TCF7L2: variants seen among roughly 807,000 people sequenced by gnomAD.
TCF7L2 encodes transcription factor 7 like 2, also known as transcription factor 7-like 2.
Under a neutral mutation model 77.9 loss-of-function variants are expected in TCF7L2, and 23 were observed. That is an observed-to-expected ratio of 0.30 (90% CI 0.21 to 0.42). The LOEUF (loss-of-function observed/expected upper bound fraction) is 0.42. Ranked by LOEUF, TCF7L2 falls within the 10% of genes least tolerant of loss-of-function variation. The pLI, the probability that TCF7L2 is intolerant of heterozygous loss-of-function variation, is 1.00. For synonymous variants in TCF7L2, 413 were observed against 340.2 expected (o/e 1.21, Z -2.36); for missense variants, 654 against 793.1 (o/e 0.82, Z 2.11).
intron 4 of TCF7L2, among the ~76,000 whole-genome samples, chr10:112,990,125 C>T (rs1276411041): frequency 1.3e-5 from 2 of 152,134 alleles, no homozygotes; most frequent in Non-Finnish European, 2.9e-5. Flanking sequence ...CTCAGGACTC[C>T]TGCACGTGGC....
In TCF7L2 at chr10:112,951,485, G is replaced by T; in HGVS notation, c.259G>T (p.Ala87Ser). 1 of 1,430,264 alleles carries T rather than the reference G, an allele frequency of 7.0e-7. No individual in the cohort carries two copies. Among genetic ancestry groups the T allele is most frequent in the South Asian group, 1.2e-5 (1 of 84,120 alleles). The allele number at this position is 1,430,264 out of a possible 1,614,324, so 88.6% of individuals were successfully genotyped here. ...CCCTCGCCGCCCCGCCATGTTAGCG[G>T]CCAAGAGGCAAGATGGAGGGCTCTT... The change falls in exon 3 of 14, where the codon GCC (alanine) becomes TCC (serine). Residue 87 changes from alanine to serine, a missense_variant and splice_region_variant. Transcript: ENST00000627217.
intron 5 of TCF7L2, among the ~76,000 whole-genome samples, chr10:113,102,142 A>AAAAAG (rs2061733371): frequency 7.8e-6 from 1 of 128,222 alleles, no homozygotes; most frequent in African/African-American, 2.9e-5. Flanking sequence ...AAAAAAAAAA[A>AAAAAG]GTGAGAAAGA....
At chr10:113,044,225 G>A (rs947423905) in intron 5 of TCF7L2, among the ~76,000 whole-genome samples, 5 of 152,182 alleles carry the variant, frequency 3.3e-5, no homozygotes, top group African/African-American at 1.2e-4. Flanking sequence ...CTTAAATGCT[G>A]CAAGAGAGTG....
At chr10:112,983,556 C>G (rs528547114) in intron 4 of TCF7L2, among the ~76,000 whole-genome samples, 2 of 152,156 alleles carry the variant, frequency 1.3e-5, no homozygotes, top group African/African-American at 4.8e-5. Flanking sequence ...TCCTGCCTTG[C>G]GAACCTATTA....
chr10:112,955,428 C>T (rs969753840), intron 3 of TCF7L2, among the ~76,000 whole-genome samples: 1 of 152,104 alleles, frequency 6.6e-6, no homozygotes, highest in Non-Finnish European at 1.5e-5. Flanking sequence ...CCCAATAAGT[C>T]ATATTTTAAT....
At chr10:113,116,837 A>G (rs971893007) in intron 5 of TCF7L2, among the ~76,000 whole-genome samples, 3 of 152,226 alleles carry the variant, frequency 2.0e-5, no homozygotes, top group Non-Finnish European at 2.9e-5. Context: ...TGCTTTCTTG[A>G]AAGAAAATCA....
In TCF7L2 at chr10:113,098,071, A is replaced by AG. The variant is rs1171780091; in HGVS notation, c.553-43113_553-43112insG. 4.0e-5 allele frequency among the ~76,000 whole-genome samples: 6 copies of AG among 150,118 alleles called. 1 individual carries two copies. The highest frequency in any genetic ancestry group is 3.9e-4 in the East Asian group (2 of 5,068). ...TCTCAAAAAAAAAAAAAAAAAAAAAAAAGAAGAAGAAGAAGAAACACATGT... is the reference window on the plus strand; with the variant it reads ...TCTCAAAAAAAAAAAAAAAAAAAAAAGAAGAAGAAGAAGAAGAAACACATGT... On this transcript the variant is annotated intron_variant, in intron 5 of 13. Transcript: ENST00000627217.
At chr10:112,966,184 T>TTTTATATATATATATATATATA (rs1554876896) in intron 4 of TCF7L2, among the ~76,000 whole-genome samples, 10 of 114,230 alleles carry the variant, frequency 8.8e-5, no homozygotes, top group African/African-American at 4.3e-4. Flanking sequence ...TAAAATATAT[T>TTTTATATATATATATATATATA]TATATATATA....
chr10:113,021,543 C>A (rs2133874536), intron 4 of TCF7L2, among the ~76,000 whole-genome samples: 1 of 152,300 alleles, frequency 6.6e-6, no homozygotes, highest in South Asian at 2.1e-4. Flanking sequence ...CTACTATAAG[C>A]TGCTGCCTGC....
chr10:113,053,064 A>C (rs2054743961), intron 5 of TCF7L2, among the ~76,000 whole-genome samples: 1 of 152,298 alleles, frequency 6.6e-6, no homozygotes, highest in East Asian at 1.9e-4. Flanking sequence ...CGTGGGACAC[A>C]GGCACAGCTC....
At chr10:112,968,306 T>TCTCTTCCTC (rs1037954985) in intron 4 of TCF7L2, among the ~76,000 whole-genome samples, 1 of 152,122 alleles carries the variant, frequency 6.6e-6, no homozygotes, top group East Asian at 1.9e-4. Context: ...TTCTCTTCCT[T>TCTCTTCCTC]CTCTTCCTCC....
At chr10:112,971,878 G>C (rs956153021) in intron 4 of TCF7L2, among the ~76,000 whole-genome samples, 3 of 152,066 alleles carry the variant, frequency 2.0e-5, no homozygotes, top group Non-Finnish European at 2.9e-5. Context: ...CTCCCAAAGT[G>C]CTGGGATTAC....
At chr10:113,127,726 G>C (rs1172389620) in intron 5 of TCF7L2, among the ~76,000 whole-genome samples, 1 of 152,106 alleles carries the variant, frequency 6.6e-6, no homozygotes, top group Non-Finnish European at 1.5e-5. Flanking sequence ...GATGAATTTA[G>C]AGTAGTGCGA....
chr10:113,059,005 A>C (rs539207702), intron 5 of TCF7L2, among the ~76,000 whole-genome samples: 78 of 152,268 alleles, frequency 5.1e-4, no homozygotes, highest in African/African-American at 1.8e-3. Context: ...GAAATCACTA[A>C]TGCAACCGCC....
At chr10:113,165,349 T>C (rs2073948270) in intron 13 of TCF7L2, among the ~76,000 whole-genome samples, 1 of 152,072 alleles carries the variant, frequency 6.6e-6, no homozygotes, top group South Asian at 2.1e-4. Flanking sequence ...AAATAAGTTG[T>C]TTGCCAGAGC....
chr10:113,068,467 G>A (rs114524065), intron 5 of TCF7L2, among the ~76,000 whole-genome samples: 1,735 of 152,274 alleles, frequency 0.011, 28 homozygotes, highest in African/African-American at 0.039. Context: ...AAGGGGACAT[G>A]GCTGGGTTCT....
chr10:113,097,654 A>AAAAAAACAAAAAACAAAAAAC (rs1564890089), intron 5 of TCF7L2, among the ~76,000 whole-genome samples: 1 of 129,152 alleles, frequency 7.7e-6, no homozygotes, highest in African/African-American at 3.0e-5. Flanking sequence ...CGGAAAAAAA[A>AAAAAAACAAAAAACAAAAAAC]AAAAAAAAAA....
chr10:113,103,291 TC>T (rs1300003286), intron 5 of TCF7L2, among the ~76,000 whole-genome samples: 4 of 152,196 alleles, frequency 2.6e-5, no homozygotes, highest in African/African-American at 9.6e-5. Context: ...TGGCTTCTGA[TC>T]CTTGCAGAGA....
Position 113,151,297 on chromosome 10 carries a change from G to T in TCF7L2, c.1001+174G>T, listed in dbSNP as rs1270971601. On this transcript the variant is annotated intron_variant, in intron 9 of 13. Coordinates refer to ENST00000627217, the MANE Select transcript of TCF7L2 (RefSeq NM_001146274.2). This position sits in a 1 kb window ranked among gnomAD's most constrained non-coding sequence, Gnocchi z 5.2. The stretch of plus-strand genomic sequence containing the variant: ...TACAAAGAGAGAGAGAGTGCACAGT[G>T]GCAGAATCTCACTGTACCACCGTGG... Among the ~76,000 whole-genome samples the T allele has an allele frequency of 6.6e-6, 1 of 152,084 alleles. No individual in the cohort carries two copies. Among genetic ancestry groups the T allele is most frequent in the Non-Finnish European group, 1.5e-5 (1 of 68,028 alleles).
Sources: gnomAD v4.1 joint callset for allele counts (sites outside exome capture counted in the v4.1 genomes callset) on GRCh38, gnomAD v4.1.1 for gene constraint, Gnocchi (gnomAD v3.1) non-coding constraint, MANE v1.5 for transcripts, NCBI Gene and HGNC (gene_info 2026-07-23, HGNC 2026-07-21) for gene names.